Variants in SUMO2 observed in about 807,000 individuals in gnomAD.
SUMO2 encodes small ubiquitin like modifier 2.
A neutral mutation model predicts 16.0 loss-of-function variants in SUMO2; 1 was observed. That is an observed-to-expected ratio of 0.06 (90% CI 0.02 to 0.30). The LOEUF (loss-of-function observed/expected upper bound fraction) is 0.30, where lower values mean the gene tolerates loss of function less well. Among genes scored for constraint, SUMO2 ranks in the 10% least tolerant of loss-of-function variants. The probability of loss-of-function intolerance (pLI) is 1.00; values close to 1 mark genes in which losing one functional copy is unlikely to be tolerated. For missense variants in SUMO2, 16 were observed against 117.5 expected (o/e 0.14, Z 3.99); for synonymous variants, 36 against 40.6 (o/e 0.89, Z 0.43).
chr17:75,178,687 G>C (rs992702618), intron 2 of SUMO2, among the ~76,000 whole-genome samples: 1 of 152,024 alleles, frequency 6.6e-6, no homozygotes, highest in Admixed American at 6.6e-5. Context: ...TCCCACCTCT[G>C]TCACTGAAAT....
chr17:75,180,564 A>T (rs1444678201), intron 2 of SUMO2, among the ~76,000 whole-genome samples: 1 of 151,484 alleles, frequency 6.6e-6, no homozygotes, highest in Non-Finnish European at 1.5e-5. Flanking sequence ...AATACAAAAA[A>T]AAAATTGGCC....
intron 1 of SUMO2, 125 bp downstream of exon 1, chr17:75,182,689 G>T: frequency 1.3e-6 from 1 of 793,450 alleles, no homozygotes; most frequent in Non-Finnish European, 1.7e-6. Context: ...CCGGGCCTGA[G>T]CCGCGGCCGG....
intron 2 of SUMO2, among the ~76,000 whole-genome samples, chr17:75,179,366 G>A (rs932394684): frequency 2.0e-5 from 3 of 151,932 alleles, no homozygotes; most frequent in Non-Finnish European, 4.4e-5. Flanking sequence ...CCATCTTGCT[G>A]ACAATACAAA....
intron 2 of SUMO2, among the ~76,000 whole-genome samples, chr17:75,178,522 A>G (rs1045379486): frequency 6.6e-6 from 1 of 151,602 alleles, no homozygotes; most frequent in African/African-American, 2.4e-5. Context: ...AAAAAAAAAA[A>G]AAAAAGAAAA....
intron 3 of SUMO2, among the ~76,000 whole-genome samples, chr17:75,169,825 G>A (rs1004366868): frequency 1.1e-4 from 16 of 139,952 alleles, no homozygotes; most frequent in South Asian, 4.7e-4. Flanking sequence ...CTCCAACACC[G>A]GTGACAGAGT....
intron 2 of SUMO2, 115 bp downstream of exon 2, chr17:75,180,942 C>T (rs902886215): frequency 1.7e-6 from 2 of 1,204,684 alleles, no homozygotes; most frequent in African/African-American, 3.0e-5. Flanking sequence ...GTGCCAAGTG[C>T]ATATTCATCC....
In SUMO2 at chr17:75,166,162, C is replaced by A. The variant is rs926265331; in HGVS notation, c.*2177G>T. The A allele has an allele frequency of 6.6e-6, 1 of 151,888 alleles. No individual in the cohort carries two copies. The highest frequency in any genetic ancestry group is 2.4e-5 in the African/African-American group (1 of 41,352). 9.4% of individuals were successfully genotyped at this position (151,888 alleles called of 1,614,324 possible). On this transcript the variant is annotated 3_prime_UTR_variant, in exon 4 of 4. Coordinates refer to ENST00000420826, the MANE Select transcript of SUMO2 (RefSeq NM_006937.4). ...GACCAAACTGGTCAACATGGTGAGACCCCACCTCTAATTTAAAAATAATAA... is the reference window on the plus strand; with the variant it reads ...GACCAAACTGGTCAACATGGTGAGAACCCACCTCTAATTTAAAAATAATAA...
In SUMO2 at chr17:75,179,514, C is replaced by A. The variant is rs183249915; in HGVS notation, c.153+1543G>T. Among the ~76,000 whole-genome samples the A allele has an allele frequency of 2.3e-4, 30 of 128,712 alleles. 1 individual carries two copies. The highest frequency in any genetic ancestry group is 4.2e-4 in the Non-Finnish European group (27 of 64,492). The allele number at this position is 128,712 out of a possible 152,430, so 84.4% of individuals were successfully genotyped here. A position where few individuals can be genotyped will look rare whatever the true frequency, so the allele number is the denominator to read the frequency against. On this transcript the variant is annotated intron_variant, in intron 2 of 3. Coordinates refer to ENST00000420826, the MANE Select transcript of SUMO2 (RefSeq NM_006937.4). ...CTGCACTCCATCCTGGACAACAGAG[C>A]GAGACTCTGTCTCAAAAAAAAAAAA...
rs2074709051 is a variant in SUMO2, at chr17:75,168,300, A to G, written c.*39T>C. On this transcript the variant is annotated 3_prime_UTR_variant, in exon 4 of 4. Transcript: ENST00000420826. ...AATTGAGAATGTAATCTTGGTCTTT[A>G]AAGAACAGAGTTCTGGAGTAAAGAA... The G allele has an allele frequency of 6.7e-7, 1 of 1,488,070 alleles. No individual in the cohort carries two copies. Among genetic ancestry groups the G allele is most frequent in the South Asian group, 1.3e-5 (1 of 79,118 alleles). 92.2% of individuals were successfully genotyped at this position (1,488,070 alleles called of 1,614,324 possible).
intron 2 of SUMO2, among the ~76,000 whole-genome samples, chr17:75,176,833 G>A (rs975790241): frequency 2.6e-5 from 4 of 152,048 alleles, no homozygotes; most frequent in African/African-American, 9.7e-5. Context: ...AGTAGGTGCT[G>A]CTCAGTAAGT....
At chr17:75,171,815 A>T (rs1268048823) in intron 3 of SUMO2, among the ~76,000 whole-genome samples, 1 of 152,102 alleles carries the variant, frequency 6.6e-6, no homozygotes, top group African/African-American at 2.4e-5. Context: ...AATAACTGAG[A>T]GTACAGCACA....
chr17:75,168,911 T>TA (rs2145214899), intron 3 of SUMO2, among the ~76,000 whole-genome samples: 1 of 152,032 alleles, frequency 6.6e-6, no homozygotes, highest in Admixed American at 6.6e-5. Flanking sequence ...AGCCAAAACT[T>TA]AGTTTTTGAG....
chr17:75,174,866 AG>A, intron 2 of SUMO2, 43 bp from the exon 3 acceptor site: 1 of 1,550,170 alleles, frequency 6.5e-7, no homozygotes, highest in Non-Finnish European at 8.8e-7. Flanking sequence ...TAAGAGAAAC[AG>A]AATTCTATTT....
intron 3 of SUMO2, among the ~76,000 whole-genome samples, chr17:75,169,963 T>C (rs1401131976): frequency 1.3e-5 from 2 of 151,170 alleles, no homozygotes; most frequent in Non-Finnish European, 2.9e-5. Context: ...AAGACCAGCC[T>C]GGCCAAAATG....
At chr17:75,177,987 T>TTAAAA (rs1471566404) in intron 2 of SUMO2, among the ~76,000 whole-genome samples, 1 of 5,650 alleles carries the variant, frequency 1.8e-4, no homozygotes, top group African/African-American at 2.6e-4. Flanking sequence ...AGACTCCGTC[T>TTAAAA]CAAAAAAAAA....
chr17:75,172,222 C>T (rs919835931), intron 3 of SUMO2, among the ~76,000 whole-genome samples: 3 of 151,530 alleles, frequency 2.0e-5, no homozygotes, highest in African/African-American at 4.8e-5. Flanking sequence ...GGGGTAGTTT[C>T]GCCATGTTGG....
intron 3 of SUMO2, among the ~76,000 whole-genome samples, chr17:75,173,876 C>T (rs181433254): frequency 6.6e-6 from 1 of 152,236 alleles, no homozygotes; most frequent in East Asian, 1.9e-4. Flanking sequence ...GACAATCCAG[C>T]TGATCCTACA....
At chr17:75,180,934 G>T in intron 2 of SUMO2, 123 bp downstream of exon 2, 2 of 1,117,824 alleles carry the variant, frequency 1.8e-6, no homozygotes, top group Non-Finnish European at 1.3e-6. Flanking sequence ...AAACTGACGT[G>T]CCAAGTGCAT....
At chr17:75,177,369 AAAAAAGAAATT>A (rs2074790840) in intron 2 of SUMO2, among the ~76,000 whole-genome samples, 2 of 151,820 alleles carry the variant, frequency 1.3e-5, no homozygotes, top group South Asian at 4.2e-4. Flanking sequence ...CCATCTCAAA[AAAAAAGAAATT>A]AAAAAATTTG....
Sources: gnomAD v4.1 joint callset for allele counts (sites outside exome capture counted in the v4.1 genomes callset) on GRCh38, gnomAD v4.1.1 for gene constraint, MANE v1.5 for transcripts, NCBI Gene and HGNC (gene_info 2026-07-23, HGNC 2026-07-21) for gene names.